SH3KBP1: variants seen among roughly 807,000 people sequenced by gnomAD.
SH3KBP1 encodes SH3 domain containing kinase binding protein 1, also known as SH3 domain-containing kinase-binding protein 1.
SH3KBP1 carries 8 observed loss-of-function variants against 50.1 expected under a neutral mutation model. The ratio of observed to expected loss-of-function variants is 0.16; its 90% confidence interval spans 0.09 to 0.29. The LOEUF (loss-of-function observed/expected upper bound fraction) is 0.29. Ranked by LOEUF, SH3KBP1 falls within the 10% of genes least tolerant of loss-of-function variation. The pLI is 1.00. For synonymous variants in SH3KBP1, 227 were observed against 218.6 expected (o/e 1.04, Z -0.34); for missense variants, 377 against 535.2 (o/e 0.70, Z 2.92).
intron 14 of SH3KBP1, among the ~76,000 whole-genome samples, chrX:19,546,836 T>G (rs2065097426): frequency 9.0e-6 from 1 of 111,665 alleles, no homozygotes; most frequent in African/African-American, 3.3e-5. Context: ...TCTGCCTCAC[T>G]GTGAAGATCA....
chrX:19,782,926 C>T (rs1332893211), intron 2 of SH3KBP1, among the ~76,000 whole-genome samples: 3 of 111,075 alleles, frequency 2.7e-5, no homozygotes, highest in Non-Finnish European at 5.7e-5. Context: ...GGCAACATGG[C>T]GAAACCCTGT....
At chrX:19,635,675 T>C (rs1401471279) in intron 7 of SH3KBP1, among the ~76,000 whole-genome samples, 2 of 111,105 alleles carry the variant, frequency 1.8e-5, no homozygotes, top group East Asian at 5.6e-4. Context: ...GGAACAAAGA[T>C]GTTCCTGACT....
chrX:19,542,126 G>T lies in SH3KBP1; in HGVS notation c.1691C>A (p.Ala564Asp), dbSNP rs765082210. The change falls in exon 16 of 18, where the codon GCC (alanine) becomes GAC (aspartate). Residue 564 changes from alanine (A) to aspartate (D), a missense_variant. By Grantham distance (126) the Ala-to-Asp change is moderately radical (BLOSUM62 -2). Around this residue, in one of 3 missense-constraint regions of SH3KBP1, gnomAD observed 110 missense variants for 124.1 expected, o/e 0.89. Coordinates refer to ENST00000397821, the MANE Select transcript of SH3KBP1 (RefSeq NM_031892.3). The part of the protein sequence containing the change: ...GTMAAGGGGP[A>D]PLSSAAPSPL... Reference sequence around the variant, plus strand: ...GGAGGGCGCCGCTGAGGACAGAGGGGCTGGCCCACCGCCACCTGCTGCCAT... The same window carrying T: ...GGAGGGCGCCGCTGAGGACAGAGGGTCTGGCCCACCGCCACCTGCTGCCAT... 2 of 1,202,328 alleles carry T rather than the reference G, an allele frequency of 1.7e-6. No homozygotes were observed. The highest frequency in any genetic ancestry group is 2.2e-6 in the Non-Finnish European group (2 of 889,800).
intron 6 of SH3KBP1, among the ~76,000 whole-genome samples, chrX:19,657,112 T>G (rs1225131256): frequency 4.5e-5 from 5 of 111,931 alleles, no homozygotes; most frequent in Non-Finnish European, 9.4e-5. Flanking sequence ...AAAGGCTTAT[T>G]ATGCCTGTAA....
In SH3KBP1 at chrX:19,766,483, C is replaced by CTTTTTTTTTTTTT. The variant is rs61439964; in HGVS notation, c.163-20055_163-20043dup. On this transcript the variant is annotated intron_variant, in intron 2 of 17. Coordinates refer to ENST00000397821, the MANE Select transcript of SH3KBP1 (RefSeq NM_031892.3). ...TGCACTTTGAGTCTGTTGATTGCAT[C>CTTTTTTTTTTTTT]TTTTTTTTTTTTTTTTTTTTTTTTT... Among the ~76,000 whole-genome samples, 6 of 22,589 alleles carry CTTTTTTTTTTTTT rather than the reference C, an allele frequency of 2.7e-4. 2 individuals carry two copies. The highest frequency in any genetic ancestry group is 8.5e-4 in the African/African-American group (5 of 5,879). The allele number at this position is 22,589 out of a possible 115,157, so 19.6% of individuals were successfully genotyped here. A position where few individuals can be genotyped will look rare whatever the true frequency, so the allele number is the denominator to read the frequency against.
At chrX:19,593,599 A>C (rs2066812668) in intron 10 of SH3KBP1, among the ~76,000 whole-genome samples, 1 of 110,852 alleles carries the variant, frequency 9.0e-6, no homozygotes, top group Admixed American at 9.6e-5. Context: ...AACTTTGGTA[A>C]AATTGTTTTA....
At chrX:19,788,301 C>T (rs368162876) in intron 2 of SH3KBP1, among the ~76,000 whole-genome samples, 1 of 88,358 alleles carries the variant, frequency 1.1e-5, no homozygotes, top group Non-Finnish European at 2.2e-5. Context: ...AAAAAAAACA[C>T]AAAAATGAAG....
chrX:19,535,866 T>A lies in SH3KBP1; in HGVS notation c.*551A>T, dbSNP rs2064694413. On this transcript the variant is annotated 3_prime_UTR_variant, in exon 18 of 18. Transcript: ENST00000397821. The stretch of plus-strand genomic sequence containing the variant: ...TAAAATTTCTCTTAGGGTGGTGGGG[T>A]TTGCTGGCAGGGAAAGGGACAGGTT... 2.7e-5 allele frequency: 3 copies of A among 110,603 alleles called. No homozygotes were observed. The highest frequency in any genetic ancestry group is 7.8e-4 in the South Asian group (2 of 2,565). 9.1% of individuals were successfully genotyped at this position (110,603 alleles called of 1,213,427 possible).
chrX:19,663,653 T>G (rs1161681144), intron 6 of SH3KBP1, among the ~76,000 whole-genome samples: 1 of 112,200 alleles, frequency 8.9e-6, no homozygotes, highest in Non-Finnish European at 1.9e-5. Flanking sequence ...AGGTTTCGGT[T>G]GGTTATCTAC....
intron 4 of SH3KBP1, among the ~76,000 whole-genome samples, chrX:19,699,543 C>T (rs1021787860): frequency 1.8e-5 from 2 of 112,012 alleles, no homozygotes; most frequent in African/African-American, 3.2e-5. Flanking sequence ...ACAATTTCAC[C>T]GTGCCCCAAG....
intron 9 of SH3KBP1, among the ~76,000 whole-genome samples, chrX:19,603,107 G>A (rs1165402282): frequency 8.9e-6 from 1 of 112,233 alleles, no homozygotes; most frequent in Non-Finnish European, 1.9e-5. Context: ...GACAAATGGA[G>A]GCCGAAGGCA....
intron 7 of SH3KBP1, among the ~76,000 whole-genome samples, chrX:19,633,233 C>A (rs758544369): frequency 1.4e-3 from 155 of 111,468 alleles, no homozygotes; most frequent in Non-Finnish European, 2.3e-3. Flanking sequence ...TGCTTTTGTG[C>A]AGATGTTTTC....
chrX:19,835,845 G>A (rs1426597014), intron 2 of SH3KBP1, among the ~76,000 whole-genome samples: 4 of 107,172 alleles, frequency 3.7e-5, no homozygotes, highest in Admixed American at 9.8e-5. Flanking sequence ...CAGTCTCCCA[G>A]AATGCTGGGA....
Position 19,767,773 on chromosome X carries a change from T to C in SH3KBP1, c.163-21332A>G, listed in dbSNP as rs147958583. On this transcript the variant is annotated intron_variant, in intron 2 of 17. Transcript: ENST00000397821. ...TAATCACTTATTGATGTTCTTCTCA[T>C]TTCTCCTTGCAGACATGCTGGGAAG... Among the ~76,000 whole-genome samples, 247 of 111,326 alleles carry C rather than the reference T, an allele frequency of 2.2e-3. 2 individuals carry two copies. The East Asian group carries it at 0.048, about 22-fold the overall frequency.
intron 2 of SH3KBP1, among the ~76,000 whole-genome samples, chrX:19,803,364 C>G (rs946014369): frequency 9.0e-6 from 1 of 111,495 alleles, no homozygotes; most frequent in African/African-American, 3.3e-5. Flanking sequence ...CACACACCAC[C>G]ATGCCTGGCT....
chrX:19,543,943 C>T (rs915333425), intron 15 of SH3KBP1, among the ~76,000 whole-genome samples: 6 of 110,674 alleles, frequency 5.4e-5, no homozygotes, highest in African/African-American at 1.6e-4. Flanking sequence ...TGTTGGGAGG[C>T]GGGGGCGATG....
At chrX:19,653,717 T>C (rs2062188706) in intron 6 of SH3KBP1, among the ~76,000 whole-genome samples, 1 of 107,805 alleles carries the variant, frequency 9.3e-6, no homozygotes, top group Non-Finnish European at 1.9e-5. Context: ...TCTGAATATA[T>C]ATATACACAC....
chrX:19,740,719 C>A (rs1461740325), intron 3 of SH3KBP1: 1 of 305,485 alleles, frequency 3.3e-6, no homozygotes, highest in East Asian at 1.0e-4. Flanking sequence ...AAACCACTGG[C>A]AAACCAAAGA....
At position 19,691,356 on chromosome X, in the gene SH3KBP1, C is replaced by CTA. The variant is rs1258274594; in HGVS notation, c.520+4254_520+4255dup. On this transcript the variant is annotated intron_variant, in intron 5 of 17. Transcript: ENST00000397821. ...TCTCTCTCTCTCTCTCTCTCTCTCT[C>CTA]TATATATATATATATCTTTTGAGAT... Among the ~76,000 whole-genome samples the CTA allele has an allele frequency of 8.7e-3, 641 of 73,440 alleles. 8 individuals are homozygous for CTA. The highest frequency in any genetic ancestry group is 0.029 in the South Asian group (36 of 1,247). 63.8% of individuals were successfully genotyped at this position (73,440 alleles called of 115,157 possible). A position where few individuals can be genotyped will look rare whatever the true frequency, so the allele number is the denominator to read the frequency against.
Sources: gnomAD v4.1 joint callset for allele counts (sites outside exome capture counted in the v4.1 genomes callset) on GRCh38, gnomAD v4.1.1 for gene constraint, gnomAD v4.1.1 regional missense constraint, MANE v1.5 for transcripts, NCBI Gene and HGNC (gene_info 2026-07-23, HGNC 2026-07-21) for gene names.